The following BNC2 variants were observed in gnomAD, a reference collection of about 807,000 sequenced individuals.
BNC2 encodes zinc finger protein basonuclin-2.
In BNC2, 20 loss-of-function variants were observed where a neutral mutation model predicts 76.3. The observed-to-expected ratio is 0.26, with a 90% CI of 0.18 to 0.38. BNC2 has a LOEUF of 0.38. Among genes scored for constraint, BNC2 ranks in the 10% least tolerant of loss-of-function variants. The pLI, the probability that BNC2 is intolerant of heterozygous loss-of-function variation, is 1.00. For synonymous variants in BNC2, 582 were observed against 514.8 expected (o/e 1.13, Z -1.77); for missense variants, 1,382 against 1,399.8 (o/e 0.99, Z 0.20).
chr9:16,426,334 T>TG (rs977538917), intron 6 of BNC2, among the ~76,000 whole-genome samples: 1 of 151,850 alleles, frequency 6.6e-6, no homozygotes, highest in Admixed American at 6.6e-5. Flanking sequence ...GCTTTTTTTT[T>TG]TTTTTTTGTC....
At chr9:16,506,147 G>T (rs769445086) in intron 5 of BNC2, among the ~76,000 whole-genome samples, 13 of 152,062 alleles carry the variant, frequency 8.5e-5, no homozygotes, top group Non-Finnish European at 1.8e-4. Context: ...TTGTAGAAAA[G>T]TTTTTACCTT....
chr9:16,679,151 CT>C (rs1272463099), intron 3 of BNC2, among the ~76,000 whole-genome samples: 80 of 152,252 alleles, frequency 5.3e-4, no homozygotes, highest in African/African-American at 1.8e-3. Context: ...TCAATTCAGC[CT>C]GGCAAAACAC....
intron 5 of BNC2, among the ~76,000 whole-genome samples, chr9:16,459,156 T>C (rs1821519209): frequency 6.6e-6 from 1 of 152,200 alleles, no homozygotes; most frequent in South Asian, 2.1e-4. Context: ...TCCTCTCCCT[T>C]AGGATGAGTC....
At chr9:16,539,768 A>G (rs10962479) in intron 5 of BNC2, among the ~76,000 whole-genome samples, 4,859 of 58,624 alleles carry the variant, frequency 0.083, 710 homozygotes, top group African/African-American at 0.27. Flanking sequence ...GGAAAGGAAA[A>G]GAAAGGAAAG....
intron 3 of BNC2, among the ~76,000 whole-genome samples, chr9:16,687,708 A>G (rs1296773231): frequency 1.3e-5 from 2 of 152,196 alleles, no homozygotes; most frequent in Non-Finnish European, 2.9e-5. Flanking sequence ...CACATACACA[A>G]AACAAATTGC....
In BNC2 at chr9:16,415,277, CTCTT is replaced by C. The variant is rs1344526173; in HGVS notation, c.*3708_*3711del. On this transcript the variant is annotated 3_prime_UTR_variant, in exon 7 of 7. Transcript: ENST00000380672. ...TCCTCATTATCTATCCTTTTTTTCT[CTCTT>C]TCCATAGCATGCAGATATTCCCGAA... The C allele has an allele frequency of 6.6e-6, 1 of 152,304 alleles. No individual in the cohort carries two copies. Among genetic ancestry groups the C allele is most frequent in the Admixed American group, 6.5e-5 (1 of 15,274 alleles). 9.4% of individuals were successfully genotyped at this position (152,304 alleles called of 1,614,324 possible).
rs1320234448 is a variant in BNC2, at chr9:16,416,632, A to C, written c.*2357T>G. On this transcript the variant is annotated 3_prime_UTR_variant, in exon 7 of 7. Transcript: ENST00000380672. Reference sequence around the variant, plus strand: ...CTTGTCATTTAACATAGTGTTTGATATAGTTTCTTTTGTACTGCAAATACT... The same window carrying C: ...CTTGTCATTTAACATAGTGTTTGATCTAGTTTCTTTTGTACTGCAAATACT... The C allele has an allele frequency of 6.6e-6, 1 of 152,654 alleles. No homozygotes were observed. Among genetic ancestry groups the C allele is most frequent in the East Asian group, 1.9e-4 (1 of 5,206 alleles). 9.5% of individuals were successfully genotyped at this position (152,654 alleles called of 1,614,324 possible).
intron 3 of BNC2, among the ~76,000 whole-genome samples, chr9:16,672,129 T>C (rs1471600376): frequency 6.6e-6 from 1 of 152,210 alleles, no homozygotes. Flanking sequence ...CAGGGAGATC[T>C]GGGGCACTCC....
intron 3 of BNC2, among the ~76,000 whole-genome samples, chr9:16,691,851 C>T (rs1343740889): frequency 6.7e-6 from 1 of 148,984 alleles, no homozygotes; most frequent in East Asian, 2.0e-4. Flanking sequence ...CACTCTGTCA[C>T]CCAGGCTGGA....
intron 3 of BNC2, among the ~76,000 whole-genome samples, chr9:16,655,959 C>T (rs1395274014): frequency 6.6e-6 from 1 of 152,118 alleles, no homozygotes; most frequent in African/African-American, 2.4e-5. Flanking sequence ...ATATTCGCCA[C>T]GCATTGTAAG....
chr9:16,451,596 A>C (rs1312359017), intron 5 of BNC2, among the ~76,000 whole-genome samples: 2 of 152,096 alleles, frequency 1.3e-5, no homozygotes, highest in Non-Finnish European at 2.9e-5. Context: ...AATGATCCTG[A>C]ACACTACAAA....
chr9:16,812,742 A>C (rs976878090), intron 1 of BNC2, among the ~76,000 whole-genome samples: 1 of 152,210 alleles, frequency 6.6e-6, no homozygotes, highest in Admixed American at 6.5e-5. Flanking sequence ...TTCCAGTTGG[A>C]TTCATTCAAA....
intron 3 of BNC2, among the ~76,000 whole-genome samples, chr9:16,678,791 A>C (rs10962538): frequency 0.12 from 18,343 of 151,948 alleles, 1,643 homozygotes; most frequent in African/African-American, 0.25. Flanking sequence ...GTGCACAAAA[A>C]CTCAGAGTTG....
At chr9:16,560,591 G>T (rs1023918028) in intron 4 of BNC2, among the ~76,000 whole-genome samples, 3 of 152,046 alleles carry the variant, frequency 2.0e-5, no homozygotes, top group African/African-American at 7.2e-5. Context: ...GACAAGTGTG[G>T]TAGAGCAAGC....
intron 3 of BNC2, among the ~76,000 whole-genome samples, chr9:16,668,754 G>A (rs953306449): frequency 2.6e-5 from 4 of 152,206 alleles, no homozygotes; most frequent in African/African-American, 9.6e-5. Flanking sequence ...GGGTAAGTGT[G>A]TAATCTCTTT....
chr9:16,863,668 T>C (rs1819468243), intron 1 of BNC2, among the ~76,000 whole-genome samples: 1 of 152,100 alleles, frequency 6.6e-6, no homozygotes, highest in South Asian at 2.1e-4. Flanking sequence ...GCACTCTAGT[T>C]TGGGCGACAG....
chr9:16,494,345 G>T (rs1200151098), intron 5 of BNC2, among the ~76,000 whole-genome samples: 1 of 151,904 alleles, frequency 6.6e-6, no homozygotes, highest in Non-Finnish European at 1.5e-5. Context: ...TAGAGATGGG[G>T]TTTCACCATG....
intron 5 of BNC2, among the ~76,000 whole-genome samples, chr9:16,448,513 T>C (rs1821273069): frequency 6.6e-6 from 1 of 152,158 alleles, no homozygotes; most frequent in Admixed American, 6.6e-5. Flanking sequence ...CTTCACATAT[T>C]ATACTTTGAA....
At chr9:16,865,704 G>A (rs112879997) in intron 1 of BNC2, among the ~76,000 whole-genome samples, 4,574 of 152,152 alleles carry the variant, frequency 0.03, 226 homozygotes, top group African/African-American at 0.1. Context: ...AACTGATATT[G>A]TTATGTACGG....
Sources: allele counts gnomAD v4.1 joint callset (sites outside exome capture counted in the v4.1 genomes callset), GRCh38; gene constraint gnomAD v4.1.1; transcripts MANE v1.5; gene names NCBI Gene and HGNC (gene_info 2026-07-23, HGNC 2026-07-21).